The following PCDHA5 variants were observed in gnomAD, a reference collection of about 807,000 sequenced individuals.
The protein encoded by PCDHA5 is protocadherin alpha-5.
A neutral mutation model predicts 61.6 loss-of-function variants in PCDHA5; 43 were observed. The observed-to-expected ratio is 0.70, with a 90% confidence interval of 0.55 to 0.90. The LOEUF is 0.90. PCDHA5 is among the 40% of genes least tolerant of loss of function. PCDHA5 has a pLI of 0.00. For missense variants in PCDHA5, 1,298 were observed against 1,222.7 expected, an observed-to-expected ratio of 1.06 and a Z score of -0.92; for synonymous variants, 627 against 543.9, an observed-to-expected ratio of 1.15 and a Z score of -2.13.
chr5:140,999,125 G>A (rs1554256627), intron 3 of PCDHA5, among the ~76,000 whole-genome samples: 1 of 152,152 alleles, frequency 6.6e-6, no homozygotes, highest in Non-Finnish European at 1.5e-5. Context: ...TTCTAAGCTG[G>A]AAAATGTCAC....
chr5:141,010,315 T>G lies in PCDHA5; in HGVS notation c.*378T>G. ...AGGGCAGGCTGAAAAGTTTTGAGAT[T>G]GAGCAGCTTGGGAGTTTGTGGCCAC... On this transcript the variant is annotated 3_prime_UTR_variant, in exon 4 of 4. Transcript: ENST00000529859. 2.6e-6 allele frequency: 4 copies of G among 1,546,626 alleles called. No homozygotes were observed. Among genetic ancestry groups the G allele is most frequent in the Non-Finnish European group, 3.5e-6 (4 of 1,145,530 alleles).
At chr5:140,966,937 C>A in intron 1 of PCDHA5, 1 of 1,604,032 alleles carries the variant, frequency 6.2e-7, no homozygotes. Context: ...CCGGCGCGCT[C>A]GTGGGCAACG....
chr5:140,903,902 A>G lies in PCDHA5; in HGVS notation c.2353-75047A>G, dbSNP rs548056424. Among the ~76,000 whole-genome samples the G allele has an allele frequency of 5.9e-5, 9 of 152,370 alleles. No individual in the cohort carries two copies. The South Asian group carries it at 1.9e-3, about 32-fold the overall frequency. On this transcript the variant is annotated intron_variant, in intron 1 of 3. Transcript: ENST00000529859. ...ACATTGAATCTTGACCTGTTTGTCA[A>G]TGATGTGACTTCCTTGCTGCATTGG...
intron 3 of PCDHA5, among the ~76,000 whole-genome samples, chr5:141,008,922 G>A (rs34518527): frequency 0.052 from 7,924 of 152,178 alleles, 248 homozygotes; most frequent in South Asian, 0.11. Flanking sequence ...AATTTATTCA[G>A]CTAATTTTTC....
Position 140,850,539 on chromosome 5 carries a change from G to A in PCDHA5, c.2352+26412G>A, listed in dbSNP as rs1310321897. 6.3e-7 allele frequency: 1 copy of A among 1,598,284 alleles called. No individual in the cohort carries two copies. Among genetic ancestry groups the A allele is most frequent in the Non-Finnish European group, 8.6e-7 (1 of 1,167,870 alleles). On this transcript the variant is annotated intron_variant, in intron 1 of 3. Coordinates refer to ENST00000529859, the MANE Select transcript of PCDHA5 (RefSeq NM_018908.3). ...CCAGGCGCCAAAGTCATCGTCGCGG[G>A]CGTCAGTGGGTGCCACGGGCCCCGA...
intron 1 of PCDHA5, chr5:140,824,637 T>TTC (rs1768307351): frequency 1.4e-5 from 2 of 145,312 alleles, no homozygotes; most frequent in Non-Finnish European, 2.9e-5. Context: ...TTTTTTATTT[T>TTC]CTGTAGAGAT....
intron 1 of PCDHA5, chr5:140,842,086 A>G: frequency 1.2e-6 from 2 of 1,613,926 alleles, no homozygotes; most frequent in Non-Finnish European, 1.7e-6. Flanking sequence ...TCGAAAACGC[A>G]GACAACGGAA....
intron 1 of PCDHA5, among the ~76,000 whole-genome samples, chr5:140,887,378 G>C (rs1407679123): frequency 6.6e-6 from 1 of 152,176 alleles, no homozygotes; most frequent in East Asian, 1.9e-4. Flanking sequence ...TTACAGGTGT[G>C]AGCCACCGCG....
intron 1 of PCDHA5, chr5:140,876,266 A>T: frequency 6.2e-7 from 1 of 1,614,012 alleles, no homozygotes; most frequent in South Asian, 1.1e-5. Context: ...ATCCAACTAA[A>T]TGCTTCCGAT....
chr5:140,972,820 C>A (rs1247488574), intron 1 of PCDHA5, among the ~76,000 whole-genome samples: 3 of 151,964 alleles, frequency 2.0e-5, no homozygotes, highest in Admixed American at 6.6e-5. Context: ...CGCGCCACCA[C>A]GCCTGGCTAA....
intron 1 of PCDHA5, chr5:140,851,534 A>G: frequency 1.1e-6 from 1 of 902,820 alleles, no homozygotes; most frequent in Non-Finnish European, 1.4e-6. Flanking sequence ...CTGACAATGT[A>G]GATAATTCAA....
intron 1 of PCDHA5, chr5:140,966,931 C>T: frequency 6.2e-7 from 1 of 1,603,674 alleles, no homozygotes; most frequent in Non-Finnish European, 8.5e-7. Flanking sequence ...AGGCACCCGG[C>T]GCGCTCGTGG....
intron 3 of PCDHA5, among the ~76,000 whole-genome samples, chr5:140,994,595 C>CT (rs1554254262): frequency 6.6e-6 from 1 of 151,984 alleles, no homozygotes; most frequent in East Asian, 1.9e-4. Context: ...GTCTCAGCTA[C>CT]TTGGGAGGCT....
chr5:140,850,641 C>G lies in PCDHA5; in HGVS notation c.2352+26514C>G, dbSNP rs2041729917. 1.9e-6 allele frequency: 3 copies of G among 1,598,540 alleles called. No homozygotes were observed. Among genetic ancestry groups the G allele is most frequent in the African/African-American group, 1.3e-5 (1 of 74,394 alleles). On this transcript the variant is annotated intron_variant, in intron 1 of 3. Coordinates refer to ENST00000529859, the MANE Select transcript of PCDHA5 (RefSeq NM_018908.3). ...GTCTAGCCTGTTGGTTCTCACGCTG[C>G]TGCTGTACACTGTGCTGCGGTGCTC...
At chr5:140,976,894 CAGT>C (rs1199753516) in intron 1 of PCDHA5, among the ~76,000 whole-genome samples, 1 of 152,132 alleles carries the variant, frequency 6.6e-6, no homozygotes, top group African/African-American at 2.4e-5. Context: ...ATACATGCAA[CAGT>C]ATGTAATAAA....
In PCDHA5 at chr5:140,945,883, GAA is replaced by G. The variant is rs2093856247; in HGVS notation, c.2353-33063_2353-33062del. On this transcript the variant is annotated intron_variant, in intron 1 of 3. Transcript: ENST00000529859. ...GACCTGAAATTGTAAAACTAACAAA[GAA>G]AACACAGTGGGAAAGATGAAAGATC... Among the ~76,000 whole-genome samples the G allele has an allele frequency of 2.6e-5, 4 of 152,104 alleles. No homozygotes were observed. The South Asian group carries it at 8.3e-4, about 32-fold the overall frequency.
At chr5:140,918,667 G>A (rs2078804677) in intron 1 of PCDHA5, among the ~76,000 whole-genome samples, 1 of 152,172 alleles carries the variant, frequency 6.6e-6, no homozygotes, top group African/African-American at 2.4e-5. Flanking sequence ...TTGATGGTAT[G>A]AAGAGGTGAG....
chr5:140,882,057 A>C, intron 1 of PCDHA5: 1 of 790,730 alleles, frequency 1.3e-6, no homozygotes, highest in Non-Finnish European at 1.9e-6. Context: ...ACTTACACTT[A>C]CACGTTCATG....
chr5:140,941,173 A>G (rs1235741316), intron 1 of PCDHA5, among the ~76,000 whole-genome samples: 5 of 135,522 alleles, frequency 3.7e-5, no homozygotes, highest in Non-Finnish European at 4.9e-5. Flanking sequence ...CCCCATCTTG[A>G]ACATCCTGCT....
Sources: allele counts gnomAD v4.1 joint callset (sites outside exome capture counted in the v4.1 genomes callset), GRCh38; gene constraint gnomAD v4.1.1; transcripts MANE v1.5; gene names NCBI Gene and HGNC (gene_info 2026-07-23, HGNC 2026-07-21).